Variants in TXNDC11 observed in about 807,000 individuals in gnomAD.
TXNDC11 encodes thioredoxin domain containing 11.
A neutral mutation model predicts 78.0 loss-of-function variants in TXNDC11; 68 were observed. The ratio of observed to expected loss-of-function variants is 0.87; its 90% CI spans 0.72 to 1.07. The LOEUF (loss-of-function observed/expected upper bound fraction) is 1.07. TXNDC11 is among the 50% of genes least tolerant of loss of function. The pLI is 0.00. For synonymous variants in TXNDC11, 571 were observed against 495.2 expected (o/e 1.15, Z -2.03); for missense variants, 1,389 against 1,221.8 (o/e 1.14, Z -2.04).
chr16:11,686,926 T>C (rs980345612), intron 10 of TXNDC11, among the ~76,000 whole-genome samples: 14 of 152,350 alleles, frequency 9.2e-5, no homozygotes, highest in African/African-American at 3.4e-4. Context: ...AATAGCACTT[T>C]CTTTTTTTAA....
rs1044396787 is a variant in TXNDC11 at position 11,733,526 on chromosome 16, CA to C, written c.569+455del. ...TGGGCAACAGAGTGAGACTCCGTCT[CA>C]AAAAAAAAAAAGAATTGTGGACATG... is the stretch of plus-strand genomic sequence containing the variant. On this transcript the variant is annotated intron_variant, in intron 3 of 11. Transcript: ENST00000283033. Among the ~76,000 whole-genome samples, 309 of 135,158 alleles carry C rather than the reference CA, an allele frequency of 2.3e-3. 1 individual carries two copies. The highest frequency in any genetic ancestry group is 1.4e-3 in the Non-Finnish European group (85 of 62,250). 88.7% of individuals were successfully genotyped at this position (135,158 alleles called of 152,430 possible). A position where few individuals can be genotyped will look rare whatever the true frequency, so the allele number is the denominator to read the frequency against.
Position 11,734,045 on chromosome 16 carries a change from T to C in TXNDC11, c.506A>G (p.Gln169Arg). The change falls in exon 3 of 12, where the codon CAG becomes CGG. Residue 169 changes from glutamine (Q) to arginine (R), a missense_variant. By Grantham distance (43) the Gln-to-Arg change is conservative. Transcript: ENST00000283033. ...LFVAINCWWN[Q>R]GKCRKQKHFF... ...GTGTTTCTGTTTTCTGCATTTCCCC[T>C]GGTTCCACCAACAGTTAATTGCCAC... is the stretch of plus-strand genomic sequence containing the variant. The C allele has an allele frequency of 6.2e-7, 1 of 1,604,092 alleles. No homozygotes were observed. Among genetic ancestry groups the C allele is most frequent in the South Asian group, 1.1e-5 (1 of 87,840 alleles).
At chr16:11,695,926 T>C (rs1157304162) in intron 7 of TXNDC11, among the ~76,000 whole-genome samples, 1 of 151,790 alleles carries the variant, frequency 6.6e-6, no homozygotes, top group East Asian at 1.9e-4. Flanking sequence ...TCCCAGCTAC[T>C]TGGGAGGCTG....
At chr16:11,698,414 T>A in intron 6 of TXNDC11, 89 bp from the exon 7 acceptor site, 2 of 1,194,588 alleles carry the variant, frequency 1.7e-6, no homozygotes, top group Non-Finnish European at 2.4e-6. Flanking sequence ...ACCCCACCAC[T>A]AAGGGTGAGA....
intron 4 of TXNDC11, among the ~76,000 whole-genome samples, chr16:11,722,857 G>C (rs1416846096): frequency 6.6e-6 from 1 of 152,130 alleles, no homozygotes; most frequent in Non-Finnish European, 1.5e-5. Flanking sequence ...ATAAAAAAGA[G>C]GAAACTTTTG....
chr16:11,739,496 A>G (rs1170996127), intron 1 of TXNDC11, among the ~76,000 whole-genome samples: 1 of 152,048 alleles, frequency 6.6e-6, no homozygotes, highest in Non-Finnish European at 1.5e-5. Flanking sequence ...GCACCTGTGA[A>G]TAGCCACTGC....
At chr16:11,694,733 G>A (rs1448129929) in intron 7 of TXNDC11, among the ~76,000 whole-genome samples, 5 of 152,120 alleles carry the variant, frequency 3.3e-5, no homozygotes, top group South Asian at 2.1e-4. Context: ...GATTACAGGC[G>A]TGAGCCACTG....
At chr16:11,682,468 C>T (rs1245321542) in intron 11 of TXNDC11, among the ~76,000 whole-genome samples, 2 of 152,210 alleles carry the variant, frequency 1.3e-5, no homozygotes, top group East Asian at 1.9e-4. Flanking sequence ...AGCCTAAGAA[C>T]GAAGGTCACT....
At chr16:11,725,621 A>C (rs2051854636) in intron 4 of TXNDC11, among the ~76,000 whole-genome samples, 1 of 152,134 alleles carries the variant, frequency 6.6e-6, no homozygotes, top group Admixed American at 6.5e-5. Context: ...TTAGCTTCTT[A>C]ATCTGTTGGA....
Position 11,692,037 on chromosome 16 carries a change from C to T in TXNDC11, c.1153G>A (p.Val385Met), listed in dbSNP as rs2050736426. Residue 385 changes from valine (V) to methionine (M), a missense_variant, in exon 8 of 12, where the codon GTG becomes ATG. Val to Met is a conservative substitution (Grantham distance 21). Coordinates refer to ENST00000283033, the MANE Select transcript of TXNDC11 (RefSeq NM_015914.7). ...AGGTGCTGAAGGAGACGCTCCACCA[C>T]CTGGTCCCCATGACAGTTGTTGTAC... is the stretch of plus-strand genomic sequence containing the variant. ...LEYNNCHGDQVVERLLQHLRR... is the reference protein window; with the variant it reads ...LEYNNCHGDQMVERLLQHLRR... 3 of 1,546,968 alleles carry T rather than the reference C, an allele frequency of 1.9e-6. No individual in the cohort carries two copies. The highest frequency in any genetic ancestry group is 2.6e-6 in the Non-Finnish European group (3 of 1,147,384).
At chr16:11,714,054 T>C (rs553362787) in intron 5 of TXNDC11, among the ~76,000 whole-genome samples, 2 of 151,944 alleles carry the variant, frequency 1.3e-5, no homozygotes, top group East Asian at 3.9e-4. Flanking sequence ...AGATTTTTTT[T>C]TTTTGAGACA....
At chr16:11,739,177 G>T (rs1273379492) in intron 1 of TXNDC11, among the ~76,000 whole-genome samples, 1 of 152,140 alleles carries the variant, frequency 6.6e-6, no homozygotes, top group African/African-American at 2.4e-5. Context: ...AAAGTACAAG[G>T]CCAATCAAAA....
intron 1 of TXNDC11, among the ~76,000 whole-genome samples, chr16:11,741,712 T>A (rs1490959598): frequency 6.6e-6 from 1 of 152,176 alleles, no homozygotes; most frequent in Non-Finnish European, 1.5e-5. Context: ...CGGACGAGCG[T>A]CCGGCACATA....
intron 7 of TXNDC11, among the ~76,000 whole-genome samples, chr16:11,693,415 C>T (rs1392976044): frequency 6.6e-6 from 1 of 152,052 alleles, no homozygotes; most frequent in Non-Finnish European, 1.5e-5. Flanking sequence ...CAAATCTCAC[C>T]ACAGTTAGTT....
chr16:11,693,114 G>C (rs148839294), intron 7 of TXNDC11, among the ~76,000 whole-genome samples: 1 of 152,270 alleles, frequency 6.6e-6, no homozygotes, highest in African/African-American at 2.4e-5. Flanking sequence ...GATTTATCCT[G>C]CCATCCCCGG....
rs1472986459 is a variant in TXNDC11, at chr16:11,742,618, G to A, written c.113C>T (p.Thr38Ile). 8.2e-6 allele frequency: 12 copies of A among 1,463,612 alleles called. No homozygotes were observed. The highest frequency in any genetic ancestry group is 1.5e-5 in the African/African-American group (1 of 67,866). 90.7% of individuals were successfully genotyped at this position (1,463,612 alleles called of 1,614,324 possible). ...AGSDCLSSSP[T>I]LATASSAGRL... is the part of the protein sequence containing the mutation. ...GCCCGCCGAGGACGCTGTGGCCAGG[G>A]TCGGGCTCGAGCTGAGGCAGTCTGA... The change falls in exon 1 of 12, where the codon ACC becomes ATC. Residue 38 changes from threonine (T) to isoleucine (I), a missense_variant. Physicochemically the swap from Thr to Ile is moderately conservative, Grantham distance 89. Transcript: ENST00000283033.
At chr16:11,689,994 C>G (rs1013826376) in intron 8 of TXNDC11, 1 of 152,118 alleles carries the variant, frequency 6.6e-6, no homozygotes, top group Admixed American at 6.5e-5. Flanking sequence ...TTACATAAAG[C>G]CTTTTCACAA....
In TXNDC11 at chr16:11,710,446, C is replaced by G. The variant is rs956425022; in HGVS notation, c.794-9882G>C. On this transcript the variant is annotated intron_variant, in intron 5 of 11. Coordinates refer to ENST00000283033, the MANE Select transcript of TXNDC11 (RefSeq NM_015914.7). The stretch of plus-strand genomic sequence containing the variant: ...ATTGCATTTTCAAGATGAAGTGTCC[C>G]TTACAGATAACTAGGGCAAAGCTCC... Among the ~76,000 whole-genome samples the G allele has an allele frequency of 3.3e-5, 5 of 152,178 alleles. 1 individual carries two copies. Among genetic ancestry groups the G allele is most frequent in the African/African-American group, 7.2e-5 (3 of 41,434 alleles).
Position 11,692,302 on chromosome 16 carries a change from A to T in TXNDC11, c.1108-220T>A, listed in dbSNP as rs1364121066. 8.2e-6 allele frequency: 4 copies of T among 488,804 alleles called. No homozygotes were observed. In the East Asian group the frequency reaches 1.3e-4, roughly 16 times the overall value. The allele number at this position is 488,804 out of a possible 1,614,324, so 30.3% of individuals were successfully genotyped here. A position where few individuals can be genotyped will look rare whatever the true frequency, so the allele number is the denominator to read the frequency against. ...TTTGCCATTACAAAAACTGCGAGCC[A>T]TCCCTTTGTCCAGCGTGTCCATGCT... is the stretch of plus-strand genomic sequence containing the variant. On this transcript the variant is annotated intron_variant, in intron 7 of 11. Transcript: ENST00000283033.
Sources: gnomAD v4.1 joint callset for allele counts (sites outside exome capture counted in the v4.1 genomes callset) on GRCh38, gnomAD v4.1.1 for gene constraint, MANE v1.5 for transcripts, NCBI Gene and HGNC (gene_info 2026-07-23, HGNC 2026-07-21) for gene names.